The following DGLUCY variants were observed in gnomAD, a reference collection of about 807,000 sequenced individuals.
The protein encoded by DGLUCY is D-glutamate cyclase.
A neutral mutation model predicts 58.5 loss-of-function variants in DGLUCY; 58 were observed. The ratio of observed to expected loss-of-function variants is 0.99; its 90% CI spans 0.80 to 1.23. The LOEUF (loss-of-function observed/expected upper bound fraction) is 1.23, where lower values mean the gene tolerates loss of function less well. Ranked by LOEUF, DGLUCY falls within the 50% of genes most tolerant of loss-of-function variation. DGLUCY has a pLI of 0.00. For synonymous variants in DGLUCY, 325 were observed against 314.1 expected (o/e 1.03, Z -0.37); for missense variants, 779 against 784.7 (o/e 0.99, Z 0.09).
chr14:91,181,286 A>G lies in DGLUCY; in HGVS notation c.831A>G (p.Pro277=). 1.2e-6 allele frequency: 2 copies of G among 1,614,198 alleles called. No individual in the cohort carries two copies. The highest frequency in any genetic ancestry group is 8.5e-7 in the Non-Finnish European group (1 of 1,180,026). Residue 277 remains proline, a synonymous_variant, in exon 8 of 14, where the codon CCA becomes CCG. Coordinates refer to ENST00000256324, the MANE Select transcript of DGLUCY (RefSeq NM_001102368.3). ...GTTGTCTCACCCCAGAGAGAATTCC[A>G]GAGGTCCATCACATTTCCCAAGATC... ...PPGCLTPERI[P]EVHHISQDPL...
intron 1 of DGLUCY, among the ~76,000 whole-genome samples, chr14:91,064,895 G>A (rs1191488824): frequency 6.6e-6 from 1 of 152,170 alleles, no homozygotes; most frequent in Admixed American, 6.6e-5. Context: ...CATGTGTGGG[G>A]ACATATTTTT....
chr14:91,172,025 G>A (rs540424190), intron 5 of DGLUCY, among the ~76,000 whole-genome samples: 5 of 152,138 alleles, frequency 3.3e-5, no homozygotes, highest in Non-Finnish European at 5.9e-5. Flanking sequence ...AAAAAAGTAC[G>A]TTTTTCTTTT....
At chr14:91,129,715 C>T (rs896402688) in intron 1 of DGLUCY, among the ~76,000 whole-genome samples, 1 of 151,642 alleles carries the variant, frequency 6.6e-6, no homozygotes, top group Admixed American at 6.6e-5. Flanking sequence ...GGCGCAATCT[C>T]GGCTCACCAC....
chr14:91,146,673 G>GT (rs1445069535), intron 1 of DGLUCY, among the ~76,000 whole-genome samples: 1 of 152,122 alleles, frequency 6.6e-6, no homozygotes, highest in Non-Finnish European at 1.5e-5. Context: ...TAAGCCTCTT[G>GT]TTTTTGAAGG....
chr14:91,208,415 C>T (rs1190044287), intron 12 of DGLUCY, among the ~76,000 whole-genome samples: 2 of 152,084 alleles, frequency 1.3e-5, no homozygotes, highest in Non-Finnish European at 2.9e-5. Context: ...TTATGTATGC[C>T]ATATGTATAT....
At position 91,171,886 on chromosome 14, in the gene DGLUCY, A is replaced by G. The variant is rs151120434; in HGVS notation, c.457-1403A>G. Among the ~76,000 whole-genome samples the G allele has an allele frequency of 4.7e-4, 71 of 152,206 alleles. No homozygotes were observed. In the East Asian group the frequency reaches 0.012, roughly 25 times the overall value. On this transcript the variant is annotated intron_variant, in intron 5 of 13. Coordinates refer to ENST00000256324, the MANE Select transcript of DGLUCY (RefSeq NM_001102368.3). ...TGTGTGGATTCAGGAGGCAGAGTGAACACCAGCTCCTCCTGTGATGTTCTC... is the reference window on the plus strand; with the variant it reads ...TGTGTGGATTCAGGAGGCAGAGTGAGCACCAGCTCCTCCTGTGATGTTCTC...
intron 8 of DGLUCY, 47 bp downstream of exon 8, chr14:91,181,436 C>T: frequency 1.3e-6 from 2 of 1,554,178 alleles, no homozygotes; most frequent in Non-Finnish European, 8.8e-7. Flanking sequence ...TAAGAAACAA[C>T]ACATTTGCAC....
chr14:91,188,968 G>A lies in DGLUCY; in HGVS notation c.993G>A (p.Ser331=), dbSNP rs767862215. ...CKDELLKASL[S]LSHARSVLIT... is the part of the protein sequence containing the mutation. ...ATGAGCTGCTGAAGGCCTCTCTCTC[G>A]CTGTCCCATGCCCGCTCAGTGCTCA... The change falls in exon 9 of 14, where the codon TCG becomes TCA. Residue 331 remains serine, a synonymous_variant. Coordinates refer to ENST00000256324, the MANE Select transcript of DGLUCY (RefSeq NM_001102368.3). The A allele has an allele frequency of 2.1e-5, 34 of 1,613,994 alleles. No individual in the cohort carries two copies. Among genetic ancestry groups the A allele is most frequent in the South Asian group, 7.7e-5 (7 of 91,086 alleles).
At chr14:91,187,264 C>G (rs995605471) in intron 8 of DGLUCY, among the ~76,000 whole-genome samples, 1 of 152,190 alleles carries the variant, frequency 6.6e-6, no homozygotes, top group Non-Finnish European at 1.5e-5. Context: ...TCCCAAAGTG[C>G]TGGGATTACA....
intron 5 of DGLUCY, 129 bp downstream of exon 5, chr14:91,170,330 A>C: frequency 1.9e-6 from 2 of 1,048,420 alleles, no homozygotes; most frequent in Non-Finnish European, 2.7e-6. Flanking sequence ...CAGCTCAGCC[A>C]TTTCTAGCTG....
chr14:91,201,908 A>C (rs958659249), intron 11 of DGLUCY, among the ~76,000 whole-genome samples: 1 of 151,832 alleles, frequency 6.6e-6, no homozygotes, highest in Non-Finnish European at 1.5e-5. Flanking sequence ...TAAAAAAATT[A>C]ACCAGGCATG....
At chr14:91,126,778 G>A (rs1253930059) in intron 1 of DGLUCY, among the ~76,000 whole-genome samples, 1 of 152,150 alleles carries the variant, frequency 6.6e-6, no homozygotes, top group Non-Finnish European at 1.5e-5. Flanking sequence ...TCACTTAATT[G>A]CATCTACAAA....
At chr14:91,164,740 C>T (rs2048180794) in intron 3 of DGLUCY, among the ~76,000 whole-genome samples, 1 of 152,214 alleles carries the variant, frequency 6.6e-6, no homozygotes, top group Admixed American at 6.5e-5. Flanking sequence ...GGTGGAATGA[C>T]ACAATCACCC....
At chr14:91,076,912 C>T (rs569464623) in intron 1 of DGLUCY, among the ~76,000 whole-genome samples, 6 of 152,218 alleles carry the variant, frequency 3.9e-5, no homozygotes, top group African/African-American at 1.4e-4. Flanking sequence ...TACTAACAGC[C>T]TGGACACAGG....
rs757464393 is a variant in DGLUCY, at chr14:91,224,791, G to C, written c.1824G>C (p.Glu608Asp). 1 of 1,613,586 alleles carries C rather than the reference G, an allele frequency of 6.2e-7. No homozygotes were observed. Among genetic ancestry groups the C allele is most frequent in the African/African-American group, 1.3e-5 (1 of 74,916 alleles). The change falls in exon 14 of 14, where the codon GAG becomes GAC. Residue 608 changes from glutamate to aspartate, a missense_variant. By Grantham distance (45) the Glu-to-Asp change is conservative. Transcript: ENST00000256324. ...TGCCCTTCCACAACACCCACGCCGA[G>C]ATGATCCAGAAGCTGGTGGACGTCA... Reference protein sequence around the residue: ...DGLPFHNTHAEMIQKLVDVTT... With the variant: ...DGLPFHNTHADMIQKLVDVTT...
intron 1 of DGLUCY, among the ~76,000 whole-genome samples, chr14:91,149,812 A>G (rs531730911): frequency 5.3e-4 from 80 of 152,366 alleles, no homozygotes; most frequent in African/African-American, 1.6e-3. Flanking sequence ...CTAAGTAACT[A>G]AAAGCAGATT....
At chr14:91,088,962 C>T (rs573460030) in intron 1 of DGLUCY, among the ~76,000 whole-genome samples, 4 of 152,330 alleles carry the variant, frequency 2.6e-5, no homozygotes, top group African/African-American at 9.6e-5. Flanking sequence ...GAATAGACTT[C>T]GGTCTGGTAC....
At chr14:91,161,224 C>T (rs1202576292) in intron 3 of DGLUCY, among the ~76,000 whole-genome samples, 1 of 152,190 alleles carries the variant, frequency 6.6e-6, no homozygotes, top group Non-Finnish European at 1.5e-5. Flanking sequence ...GCGCCCGCCA[C>T]CATGCCCAGC....
At chr14:91,203,547 A>AGG (rs942788411) in intron 11 of DGLUCY, among the ~76,000 whole-genome samples, 1 of 152,230 alleles carries the variant, frequency 6.6e-6, no homozygotes, top group Admixed American at 6.5e-5. Flanking sequence ...CCTCTTCTAG[A>AGG]GGTGGATTCA....
Sources: allele counts gnomAD v4.1 joint callset (sites outside exome capture counted in the v4.1 genomes callset), GRCh38; gene constraint gnomAD v4.1.1; transcripts MANE v1.5; gene names NCBI Gene and HGNC (gene_info 2026-07-23, HGNC 2026-07-21).